SLC9A9: variants seen among roughly 807,000 people sequenced by gnomAD.
SLC9A9 encodes the protein sodium/hydrogen exchanger 9.
In SLC9A9, 62 loss-of-function variants were observed where a neutral mutation model predicts 77.8. The observed-to-expected ratio is 0.80, with a 90% confidence interval of 0.65 to 0.98. SLC9A9 has a LOEUF of 0.98. Among genes scored for constraint, SLC9A9 ranks in the 50% least tolerant of loss-of-function variants. SLC9A9 has a pLI of 0.00. For synonymous variants in SLC9A9, 320 were observed against 283.5 expected (o/e 1.13, Z -1.29); for missense variants, 775 against 774.9 (o/e 1.00, Z 0.00).
intron 4 of SLC9A9, among the ~76,000 whole-genome samples, chr3:143,761,229 C>T (rs765602398): frequency 1.1e-4 from 17 of 152,086 alleles, no homozygotes; most frequent in Non-Finnish European, 2.2e-4. Flanking sequence ...GACTTAAAAC[C>T]ATAAAAACCC....
intron 12 of SLC9A9, among the ~76,000 whole-genome samples, chr3:143,442,184 G>A (rs1200475038): frequency 1.3e-5 from 2 of 152,172 alleles, no homozygotes; most frequent in Non-Finnish European, 1.5e-5. Context: ...AGAGCAAAAT[G>A]AGTATAAAGT....
chr3:143,599,387 T>C (rs1270758059), intron 6 of SLC9A9, among the ~76,000 whole-genome samples: 1 of 152,172 alleles, frequency 6.6e-6, no homozygotes, highest in Admixed American at 6.5e-5. Context: ...AAGTAGTTCT[T>C]TTCTTCTATA....
intron 12 of SLC9A9, among the ~76,000 whole-genome samples, chr3:143,422,099 G>A (rs1576486228): frequency 6.6e-6 from 1 of 152,162 alleles, no homozygotes; most frequent in African/African-American, 2.4e-5. Flanking sequence ...AAACAAAACA[G>A]ATGCTGGCAA....
intron 4 of SLC9A9, among the ~76,000 whole-genome samples, chr3:143,787,097 C>T (rs2008077812): frequency 6.6e-6 from 1 of 152,180 alleles, no homozygotes; most frequent in African/African-American, 2.4e-5. Context: ...GCCTGCCAAC[C>T]CGAGTTGTTC....
chr3:143,347,309 T>C (rs868069873), intron 14 of SLC9A9, among the ~76,000 whole-genome samples: 5 of 152,316 alleles, frequency 3.3e-5, no homozygotes, highest in Middle Eastern at 3.4e-3. Flanking sequence ...TTTAATCAGA[T>C]GGCAGTTGTG....
intron 14 of SLC9A9, among the ~76,000 whole-genome samples, chr3:143,322,220 G>T (rs1289204844): frequency 6.6e-6 from 1 of 152,184 alleles, no homozygotes; most frequent in Non-Finnish European, 1.5e-5. Context: ...GGTGTTTCTG[G>T]ATGAGATTAA....
At chr3:143,714,841 C>T (rs933534710) in intron 4 of SLC9A9, among the ~76,000 whole-genome samples, 18 of 152,114 alleles carry the variant, frequency 1.2e-4, no homozygotes, top group African/African-American at 1.9e-4. Flanking sequence ...TGATATGGTT[C>T]GGCTGTGTCT....
chr3:143,714,374 G>T (rs1478149018), intron 4 of SLC9A9, among the ~76,000 whole-genome samples: 2 of 151,982 alleles, frequency 1.3e-5, no homozygotes, highest in Non-Finnish European at 2.9e-5. Flanking sequence ...AGTCATTCTG[G>T]ACACATCCCT....
At chr3:143,393,814 T>C (rs1380725348) in intron 12 of SLC9A9, among the ~76,000 whole-genome samples, 1 of 151,850 alleles carries the variant, frequency 6.6e-6, no homozygotes, top group African/African-American at 2.4e-5. Flanking sequence ...CAGAGAATAC[T>C]ATAAACATCT....
At chr3:143,343,270 T>C (rs2032161964) in intron 14 of SLC9A9, 1 of 152,130 alleles carries the variant, frequency 6.6e-6, no homozygotes. Flanking sequence ...TGTGTGTGAG[T>C]GTATGACAGG....
chr3:143,501,441 T>C lies in SLC9A9; in HGVS notation c.1090-5993A>G, dbSNP rs77551545. On this transcript the variant is annotated intron_variant, in intron 9 of 15. Coordinates refer to ENST00000316549, the MANE Select transcript of SLC9A9 (RefSeq NM_173653.4). ...CCATAGAGTGAAAGTTATATAAAAT[T>C]TCTTAGATAAAATTCCTGACATGAG... Among the ~76,000 whole-genome samples the C allele has an allele frequency of 5.9e-3, 889 of 150,872 alleles. 82 individuals are homozygous for C. The highest frequency in any genetic ancestry group is 0.021 in the African/African-American group (857 of 40,202).
chr3:143,462,533 G>A, intron 12 of SLC9A9, among the ~76,000 whole-genome samples: 1 of 152,134 alleles, frequency 6.6e-6, no homozygotes, highest in East Asian at 1.9e-4. Context: ...TGAGCATGAG[G>A]GTAACAAATT....
At chr3:143,356,102 C>T (rs1465297514) in intron 14 of SLC9A9, among the ~76,000 whole-genome samples, 1 of 152,150 alleles carries the variant, frequency 6.6e-6, no homozygotes, top group Non-Finnish European at 1.5e-5. Context: ...ATTTTATAAT[C>T]ATAGTGGGGA....
At chr3:143,594,203 T>G (rs1311111408) in intron 6 of SLC9A9, among the ~76,000 whole-genome samples, 1 of 152,234 alleles carries the variant, frequency 6.6e-6, no homozygotes, top group East Asian at 1.9e-4. Context: ...AATTTGTTAG[T>G]AAACTGAGTG....
chr3:143,527,218 T>C (rs2036422407), intron 9 of SLC9A9, among the ~76,000 whole-genome samples: 1 of 152,234 alleles, frequency 6.6e-6, no homozygotes, highest in Admixed American at 6.5e-5. Context: ...ACAGATAGCA[T>C]GTAATGTATC....
intron 9 of SLC9A9, among the ~76,000 whole-genome samples, chr3:143,498,125 C>T (rs893794857): frequency 6.6e-6 from 1 of 152,206 alleles, no homozygotes; most frequent in Non-Finnish European, 1.5e-5. Flanking sequence ...CACTTCCCAG[C>T]ATTACAAGTA....
chr3:143,736,972 T>C (rs1388913602), intron 4 of SLC9A9, among the ~76,000 whole-genome samples: 1 of 152,246 alleles, frequency 6.6e-6, no homozygotes, highest in East Asian at 1.9e-4. Context: ...CTGGTGTATT[T>C]GAAAGAATTA....
chr3:143,363,160 T>C (rs901185193), intron 14 of SLC9A9, among the ~76,000 whole-genome samples: 3 of 152,244 alleles, frequency 2.0e-5, no homozygotes, highest in African/African-American at 7.2e-5. Flanking sequence ...CAGGCCTATT[T>C]GACCAGAAGT....
At chr3:143,455,974 T>A (rs1290025404) in intron 12 of SLC9A9, among the ~76,000 whole-genome samples, 2 of 152,008 alleles carry the variant, frequency 1.3e-5, no homozygotes, top group Admixed American at 1.3e-4. Context: ...ATTAGGAATA[T>A]TTGTCTCATT....
Sources: allele counts gnomAD v4.1 joint callset (sites outside exome capture counted in the v4.1 genomes callset), GRCh38; gene constraint gnomAD v4.1.1; transcripts MANE v1.5; gene names NCBI Gene and HGNC (gene_info 2026-07-23, HGNC 2026-07-21).